Variants in SCGB2B2 observed in about 807,000 individuals in gnomAD.
The protein encoded by SCGB2B2 is secretoglobin family 2B member 2.
A neutral mutation model predicts 7.6 loss-of-function variants in SCGB2B2; 11 were observed. The observed-to-expected ratio is 1.45, with a 90% confidence interval of 0.91 to 2.40. The LOEUF (loss-of-function observed/expected upper bound fraction) is 2.40. Among genes scored for constraint, SCGB2B2 ranks in the 30% most tolerant of loss-of-function variants. The pLI is 0.00. For missense variants in SCGB2B2, 104 were observed against 115.4 expected (o/e 0.90, Z 0.45); for synonymous variants, 50 against 48.6 (o/e 1.03, Z -0.12).
intron 1 of SCGB2B2, among the ~76,000 whole-genome samples, chr19:34,613,102 C>CT (rs35050277): frequency 9.2e-5 from 13 of 142,002 alleles, no homozygotes; most frequent in Admixed American, 1.4e-4. Context: ...ATTTTCTTTT[C>CT]TTTTTTTTTT....
intron 1 of SCGB2B2, among the ~76,000 whole-genome samples, chr19:34,633,356 C>G (rs1158217876): frequency 6.6e-6 from 1 of 152,040 alleles, no homozygotes; most frequent in Admixed American, 6.6e-5. Context: ...TGTAATAGCC[C>G]CAAACTAGAA....
chr19:34,614,176 T>C (rs541777022), intron 1 of SCGB2B2, among the ~76,000 whole-genome samples: 1 of 152,306 alleles, frequency 6.6e-6, no homozygotes, highest in East Asian at 1.9e-4. Flanking sequence ...TTTTTTGCAA[T>C]TATTTCATTA....
chr19:34,595,543 T>C lies in SCGB2B2; in HGVS notation c.-980A>G, dbSNP rs2065426343. 1 of 152,508 alleles carries C rather than the reference T, an allele frequency of 6.6e-6. No homozygotes were observed. The highest frequency in any genetic ancestry group is 1.5e-5 in the Non-Finnish European group (1 of 68,058). 9.4% of individuals were successfully genotyped at this position (152,508 alleles called of 1,614,324 possible). ...CACATTCCAGTGTTTCAAAGAAGTG[T>C]CTTTCTCCCTGAGCACAGTGTTTAC... On this transcript the variant is annotated 5_prime_UTR_variant, in exon 2 of 4. Coordinates refer to ENST00000601241, the MANE Select transcript of SCGB2B2 (RefSeq NM_001025591.4).
intron 1 of SCGB2B2, chr19:34,631,972 C>T (rs966855849): frequency 9.2e-5 from 14 of 151,894 alleles, no homozygotes; most frequent in African/African-American, 2.7e-4. Flanking sequence ...AATATAAGAT[C>T]AAATAATTTT....
intron 1 of SCGB2B2, among the ~76,000 whole-genome samples, chr19:34,635,965 G>A (rs888741633): frequency 1.3e-5 from 2 of 152,164 alleles, no homozygotes; most frequent in Non-Finnish European, 2.9e-5. Context: ...GTTTGTGCCC[G>A]GGGTGTATTC....
At chr19:34,610,667 TG>T (rs909699731) in intron 1 of SCGB2B2, among the ~76,000 whole-genome samples, 4 of 152,180 alleles carry the variant, frequency 2.6e-5, no homozygotes, top group African/African-American at 9.6e-5. Flanking sequence ...AAATCCCACT[TG>T]ATCATGGTGA....
intron 1 of SCGB2B2, among the ~76,000 whole-genome samples, chr19:34,662,846 G>A (rs2067498250): frequency 1.3e-5 from 2 of 151,992 alleles, no homozygotes; most frequent in Non-Finnish European, 1.5e-5. Flanking sequence ...CAGGAGGATC[G>A]CTTGAGCTCA....
At chr19:34,607,513 G>C (rs543060575) in intron 1 of SCGB2B2, among the ~76,000 whole-genome samples, 53 of 152,258 alleles carry the variant, frequency 3.5e-4, no homozygotes, top group African/African-American at 1.2e-3. Context: ...TTAAGTTTTT[G>C]AGAAACCTCC....
chr19:34,626,943 G>T (rs2066395147), intron 1 of SCGB2B2, among the ~76,000 whole-genome samples: 3 of 152,180 alleles, frequency 2.0e-5, no homozygotes, highest in Non-Finnish European at 4.4e-5. Flanking sequence ...AAGAGAGTGG[G>T]GGCCAATATT....
chr19:34,594,819 TTC>T lies in SCGB2B2; in HGVS notation c.-258_-257del, dbSNP rs2065403187. The T allele has an allele frequency of 1.9e-6, 1 of 520,082 alleles. No homozygotes were observed. The highest frequency in any genetic ancestry group is 3.5e-6 in the Non-Finnish European group (1 of 282,974). 32.2% of individuals were successfully genotyped at this position (520,082 alleles called of 1,614,324 possible). ...GTGGGAGGGGTTGGGTGTTGTGACA[TTC>T]TCTCTGTCCTCCCTGGAGCTCCCTG... On this transcript the variant is annotated 5_prime_UTR_variant, in exon 2 of 4. It introduces an in-frame stop codon into an upstream open reading frame of the 5' UTR. Transcript: ENST00000601241.
chr19:34,593,676 C>T, intron 3 of SCGB2B2, 77 bp from the exon 4 acceptor site: 1 of 1,249,166 alleles, frequency 8.0e-7, no homozygotes, highest in Non-Finnish European at 1.1e-6. Context: ...TTGCCCGGTC[C>T]CCGAGCTCAG....
intron 1 of SCGB2B2, chr19:34,645,956 G>A: frequency 3.4e-6 from 1 of 296,784 alleles, no homozygotes; most frequent in Non-Finnish European, 6.7e-6. Flanking sequence ...ACCTGAAGCG[G>A]GAGCTTGCTC....
intron 1 of SCGB2B2, chr19:34,645,242 G>A (rs973356147): frequency 1.3e-5 from 2 of 152,244 alleles, no homozygotes; most frequent in Admixed American, 6.5e-5. Context: ...GATGCCAGGT[G>A]CAGATACATT....
chr19:34,644,774 C>T (rs1057437149), intron 1 of SCGB2B2, among the ~76,000 whole-genome samples: 23 of 152,290 alleles, frequency 1.5e-4, no homozygotes, highest in Middle Eastern at 3.4e-3. Flanking sequence ...TATGTGCTGA[C>T]GGACACTTAG....
intron 1 of SCGB2B2, among the ~76,000 whole-genome samples, chr19:34,631,056 T>C (rs1568435982): frequency 7.3e-6 from 1 of 137,540 alleles, no homozygotes; most frequent in Non-Finnish European, 1.5e-5. Context: ...TAGGTGGGAA[T>C]TGAACAATGA....
chr19:34,667,239 T>G (rs2067655588), intron 1 of SCGB2B2, among the ~76,000 whole-genome samples: 1 of 152,074 alleles, frequency 6.6e-6, no homozygotes, highest in Non-Finnish European at 1.5e-5. Flanking sequence ...GTCTCCGCCC[T>G]CTGATACTCA....
At chr19:34,630,338 G>T (rs1163658767) in intron 1 of SCGB2B2, among the ~76,000 whole-genome samples, 1 of 151,942 alleles carries the variant, frequency 6.6e-6, no homozygotes, top group Non-Finnish European at 1.5e-5. Flanking sequence ...CCTACAAAAT[G>T]GGAGAAAATT....
At chr19:34,659,803 G>A (rs1250485240) in intron 1 of SCGB2B2, among the ~76,000 whole-genome samples, 1 of 151,946 alleles carries the variant, frequency 6.6e-6, no homozygotes, top group Non-Finnish European at 1.5e-5. Context: ...AAGTTCATAT[G>A]GAACAAAAAA....
Position 34,592,980 on chromosome 19 carries a change from G to A in SCGB2B2, c.*575C>T, listed in dbSNP as rs1340882779. Among the ~76,000 whole-genome samples, 10 of 152,262 alleles carry A rather than the reference G, an allele frequency of 6.6e-5. No homozygotes were observed. The highest frequency in any genetic ancestry group is 2.4e-4 in the African/African-American group (10 of 41,546). On this transcript the variant is annotated 3_prime_UTR_variant, in exon 4 of 4. Coordinates refer to ENST00000601241, the MANE Select transcript of SCGB2B2 (RefSeq NM_001025591.4). ...AGGGGGAGAAAAAAGGACAGCTTGG[G>A]TAGGTAGGGATGGAGAAGTGTGTTA...
Sources: allele counts gnomAD v4.1 joint callset (sites outside exome capture counted in the v4.1 genomes callset), GRCh38; gene constraint gnomAD v4.1.1; transcripts MANE v1.5; gene names NCBI Gene and HGNC (gene_info 2026-07-23, HGNC 2026-07-21).